The following CYB5A variants were observed in gnomAD, a reference collection of about 807,000 sequenced individuals.
The protein encoded by CYB5A is cytochrome b5 type A, also known as cytochrome b5.
A neutral mutation model predicts 16.2 loss-of-function variants in CYB5A; 10 were observed. The ratio of observed to expected loss-of-function variants is 0.62; its 90% CI spans 0.38 to 1.04. The LOEUF (loss-of-function observed/expected upper bound fraction) is 1.04. CYB5A is among the 50% of genes least tolerant of loss of function. The pLI is 0.01. For missense variants in CYB5A, 161 were observed against 165.9 expected (o/e 0.97, Z 0.16); for synonymous variants, 62 against 57.0 (o/e 1.09, Z -0.40).
At chr18:74,287,829 T>C (rs1265494143) in intron 1 of CYB5A, among the ~76,000 whole-genome samples, 1 of 152,206 alleles carries the variant, frequency 6.6e-6, no homozygotes, top group African/African-American at 2.4e-5. Context: ...TCCACAGCTC[T>C]TTTAAAAACT....
intron 2 of CYB5A, among the ~76,000 whole-genome samples, chr18:74,262,678 A>C (rs1982257140): frequency 6.6e-6 from 1 of 152,192 alleles, no homozygotes; most frequent in Non-Finnish European, 1.5e-5. Flanking sequence ...TGGCCTAATG[A>C]AAGTAGAAGT....
chr18:74,284,024 G>A (rs1983220964), intron 1 of CYB5A, among the ~76,000 whole-genome samples: 1 of 152,146 alleles, frequency 6.6e-6, no homozygotes, highest in Non-Finnish European at 1.5e-5. Context: ...CTTGAGGTCA[G>A]GGGTTTGAGA....
chr18:74,281,266 A>T (rs1005996172), intron 1 of CYB5A, among the ~76,000 whole-genome samples: 14 of 152,198 alleles, frequency 9.2e-5, no homozygotes, highest in African/African-American at 2.9e-4. Flanking sequence ...AGCCTACTGG[A>T]CATCTAACTG....
chr18:74,286,888 A>G (rs939769876), intron 1 of CYB5A, among the ~76,000 whole-genome samples: 6 of 152,252 alleles, frequency 3.9e-5, no homozygotes, highest in African/African-American at 1.4e-4. Context: ...CTTTAAGATA[A>G]TCAAAAAGCA....
intron 1 of CYB5A, among the ~76,000 whole-genome samples, chr18:74,285,180 T>G (rs1211601469): frequency 2.0e-4 from 31 of 152,300 alleles, no homozygotes; most frequent in Admixed American, 2.0e-3. Flanking sequence ...GTCTATGCAA[T>G]GTAGGCAGCC....
intron 1 of CYB5A, among the ~76,000 whole-genome samples, chr18:74,271,527 A>C (rs1982668734): frequency 6.6e-6 from 1 of 152,188 alleles, no homozygotes; most frequent in African/African-American, 2.4e-5. Flanking sequence ...TAATCAAGGT[A>C]TACTTAAGAA....
chr18:74,277,870 C>T (rs1982941858), intron 1 of CYB5A, among the ~76,000 whole-genome samples: 1 of 152,166 alleles, frequency 6.6e-6, no homozygotes, highest in Non-Finnish European at 1.5e-5. Context: ...GCTTGGGTCT[C>T]CAGTGAGAAA....
chr18:74,272,411 T>A (rs74550195), intron 1 of CYB5A, among the ~76,000 whole-genome samples: 1 of 152,150 alleles, frequency 6.6e-6, no homozygotes, highest in Non-Finnish European at 1.5e-5. Flanking sequence ...CCATCTGCCA[T>A]TGAGCACCCT....
intron 1 of CYB5A, among the ~76,000 whole-genome samples, chr18:74,281,743 CTGTGTGTGTGTGTG>C (rs112934460): frequency 7.2e-6 from 1 of 138,746 alleles, no homozygotes; most frequent in Non-Finnish European, 1.5e-5. Flanking sequence ...TCAAGGGAGG[CTGTGTGTGTGTGTG>C]TGTGTGTGTG....
At chr18:74,254,654 G>C (rs1253534270) in intron 4 of CYB5A, among the ~76,000 whole-genome samples, 1 of 151,740 alleles carries the variant, frequency 6.6e-6, no homozygotes, top group East Asian at 1.9e-4. Context: ...CGAGTAGCTG[G>C]AACTACAGGC....
chr18:74,254,443 A>G (rs1041402451), intron 4 of CYB5A, among the ~76,000 whole-genome samples: 3 of 149,842 alleles, frequency 2.0e-5, no homozygotes, highest in Non-Finnish European at 3.0e-5. Flanking sequence ...GTCCTGATGC[A>G]TAGAATTTCG....
chr18:74,283,824 C>G (rs1385899071), intron 1 of CYB5A, among the ~76,000 whole-genome samples: 1 of 152,208 alleles, frequency 6.6e-6, no homozygotes, highest in Non-Finnish European at 1.5e-5. Context: ...CCTGGCTTTG[C>G]TCCTTATCGT....
At chr18:74,270,624 G>T (rs373362304) in intron 1 of CYB5A, among the ~76,000 whole-genome samples, 1 of 152,156 alleles carries the variant, frequency 6.6e-6, no homozygotes, top group African/African-American at 2.4e-5. Context: ...TACTGAACAT[G>T]AGCAGGCTTC....
chr18:74,282,397 G>C (rs1983147975), intron 1 of CYB5A, among the ~76,000 whole-genome samples: 1 of 152,020 alleles, frequency 6.6e-6, no homozygotes, highest in African/African-American at 2.4e-5. Context: ...AGTATGCACT[G>C]TGTATGGAAA....
chr18:74,289,892 C>T (rs529781141), intron 1 of CYB5A, among the ~76,000 whole-genome samples: 4 of 151,868 alleles, frequency 2.6e-5, no homozygotes, highest in South Asian at 2.1e-4. Context: ...CAACAAAGAT[C>T]GGCTGGCCCA....
At chr18:74,256,751 A>C in intron 3 of CYB5A, 1 of 1,319,954 alleles carries the variant, frequency 7.6e-7, no homozygotes, top group Non-Finnish European at 1.1e-6. Context: ...CACTCTGCAA[A>C]GCACGTTAGA....
chr18:74,260,626 CA>C, intron 3 of CYB5A: 1 of 457,738 alleles, frequency 2.2e-6, no homozygotes, highest in East Asian at 5.3e-5. Flanking sequence ...AGATCAGAAG[CA>C]CGTGCTACCA....
In CYB5A at chr18:74,263,721, ACATTGTGAGACCC is replaced by A. The variant is rs543089130; in HGVS notation, c.130-257_130-245del. Among the ~76,000 whole-genome samples the A allele has an allele frequency of 9.7e-3, 1,483 of 152,236 alleles. 7 individuals carry two copies. The highest frequency in any genetic ancestry group is 0.041 in the Middle Eastern group (12 of 294). On this transcript the variant is annotated intron_variant, in intron 1 of 4. Coordinates refer to ENST00000340533, the MANE Select transcript of CYB5A (RefSeq NM_148923.4). The stretch of plus-strand genomic sequence containing the variant: ...CCCAAGTTCAAAGCCAACCTGGGCA[ACATTGTGAGACCC>A]CATAACTATAAAATACAATTTTAAA...
chr18:74,277,080 C>T (rs1219850574), intron 1 of CYB5A, among the ~76,000 whole-genome samples: 1 of 148,024 alleles, frequency 6.8e-6, no homozygotes, highest in Non-Finnish European at 1.5e-5. Context: ...CAAAAACAAC[C>T]TTTAATTTAA....
Sources: gnomAD v4.1 joint callset for allele counts (sites outside exome capture counted in the v4.1 genomes callset) on GRCh38, gnomAD v4.1.1 for gene constraint, MANE v1.5 for transcripts, NCBI Gene and HGNC (gene_info 2026-07-23, HGNC 2026-07-21) for gene names.